Variants in DTHD1 observed in about 807,000 individuals in gnomAD.
DTHD1 encodes the protein death domain-containing protein 1.
DTHD1 carries 59 observed loss-of-function variants against 74.8 expected under a neutral mutation model. The ratio of observed to expected loss-of-function variants is 0.79; its 90% CI spans 0.64 to 0.98. The LOEUF (loss-of-function observed/expected upper bound fraction) is 0.98. DTHD1 is among the 50% of genes least tolerant of loss of function. DTHD1 has a pLI of 0.00. For missense variants in DTHD1, 1,051 were observed against 1,065.4 expected (o/e 0.99, Z 0.19); for synonymous variants, 365 against 371.1 (o/e 0.98, Z 0.19).
At chr4:36,301,833 C>A (rs535483489) in intron 5 of DTHD1, among the ~76,000 whole-genome samples, 7 of 151,372 alleles carry the variant, frequency 4.6e-5, no homozygotes, top group Admixed American at 1.3e-4. Flanking sequence ...ATTATTGAAA[C>A]GTTTCTGTTG....
chr4:36,338,492 C>A (rs1014373865), intron 8 of DTHD1, among the ~76,000 whole-genome samples: 2 of 151,762 alleles, frequency 1.3e-5, no homozygotes, highest in Middle Eastern at 3.4e-3. Flanking sequence ...TAAATAAATT[C>A]TCCAAAGTGC....
At chr4:36,312,322 T>C (rs2109509918) in intron 7 of DTHD1, among the ~76,000 whole-genome samples, 1 of 152,034 alleles carries the variant, frequency 6.6e-6, no homozygotes, top group East Asian at 1.9e-4. Flanking sequence ...AGATATTCTA[T>C]AGGATGTATC....
chr4:36,346,485 G>T lies in DTHD1; in HGVS notation c.*2661G>T, dbSNP rs141945715. Reference sequence around the variant, plus strand: ...CAGTAAAGCAATAAAAAGGTACATAGAGAAAACAATTGATCATCCCTGCAG... The same window carrying T: ...CAGTAAAGCAATAAAAAGGTACATATAGAAAACAATTGATCATCCCTGCAG... On this transcript the variant is annotated 3_prime_UTR_variant, in exon 10 of 10. Transcript: ENST00000639862. Among the ~76,000 whole-genome samples the T allele has an allele frequency of 2.1e-4, 32 of 152,004 alleles. No homozygotes were observed. In the East Asian group the frequency reaches 6.2e-3, roughly 29 times the overall value.
chr4:36,342,110 C>T (rs1343681302), intron 9 of DTHD1, among the ~76,000 whole-genome samples: 2 of 152,100 alleles, frequency 1.3e-5, no homozygotes, highest in African/African-American at 4.8e-5. Context: ...AATGATGATC[C>T]GCAGGGCTGC....
At position 36,290,442 on chromosome 4, in the gene DTHD1, T is replaced by C. The variant is rs1215949893; in HGVS notation, c.957T>C (p.Val319=). The C allele has an allele frequency of 1.3e-6, 2 of 1,551,872 alleles. No homozygotes were observed. The highest frequency in any genetic ancestry group is 2.7e-5 in the African/African-American group (2 of 73,048). Residue 319 remains valine (V), a synonymous_variant, in exon 3 of 10, where the codon GTT becomes GTC. Transcript: ENST00000639862. ...GTTATATTACAGCACCATCATATGTTCTACAACAACTAGAATGCCGGATAA... is the reference window on the plus strand; with the variant it reads ...GTTATATTACAGCACCATCATATGTCCTACAACAACTAGAATGCCGGATAA... ...VSCYITAPSY[V]LQQLECRIIN... is the part of the protein sequence containing the mutation.
chr4:36,286,623 T>G (rs1278063865), intron 2 of DTHD1, among the ~76,000 whole-genome samples: 1 of 152,244 alleles, frequency 6.6e-6, no homozygotes, highest in Non-Finnish European at 1.5e-5. Flanking sequence ...TGGGGACATG[T>G]TCACAGAAAT....
intron 8 of DTHD1, among the ~76,000 whole-genome samples, chr4:36,318,555 C>G (rs540189503): frequency 6.6e-6 from 1 of 151,992 alleles, no homozygotes; most frequent in Admixed American, 6.5e-5. Context: ...GACAGTATAG[C>G]CAGCCAATCT....
intron 7 of DTHD1, among the ~76,000 whole-genome samples, chr4:36,314,590 G>A (rs995829463): frequency 4.6e-5 from 7 of 151,954 alleles, no homozygotes; most frequent in Admixed American, 3.3e-4. Context: ...GCTGAGATGG[G>A]AGGACAGCTT....
intron 5 of DTHD1, among the ~76,000 whole-genome samples, chr4:36,301,846 T>C (rs1756792415): frequency 6.6e-6 from 1 of 151,920 alleles, no homozygotes; most frequent in African/African-American, 2.4e-5. Flanking sequence ...TTCTGTTGGG[T>C]TTAAGTGGAT....
chr4:36,306,277 G>T lies in DTHD1; in HGVS notation c.1730G>T (p.Trp577Leu). 1 of 1,551,748 alleles carries T rather than the reference G, an allele frequency of 6.4e-7. No individual in the cohort carries two copies. The highest frequency in any genetic ancestry group is 8.7e-7 in the Non-Finnish European group (1 of 1,146,998). ...LLGFRSQDSGWCGLDDVVKTI... is the reference protein window; with the variant it reads ...LLGFRSQDSGLCGLDDVVKTI... The stretch of plus-strand genomic sequence containing the variant: ...GGATTCAGAAGCCAAGACAGTGGTT[G>T]GTGTGGGCTTGATGATGTTGTGAAA... The change falls in exon 6 of 10, where the codon TGG becomes TTG. Residue 577 changes from tryptophan (W) to leucine (L), a missense_variant. Trp to Leu is a moderately conservative substitution (Grantham distance 61, BLOSUM62 -2). Transcript: ENST00000639862.
rs1303418802 is a variant in DTHD1 at position 36,284,310 on chromosome 4, G to A, written c.606G>A (p.Leu202=). The change falls in exon 2 of 10, where the codon CTG becomes CTA. Residue 202 remains leucine (L), a synonymous_variant. Transcript: ENST00000639862. The stretch of plus-strand genomic sequence containing the variant: ...ATACATCACTGAATGGACGTGTACT[G>A]GGGCAAGAAGAGTCACAGAATAAAA... The part of the protein sequence containing the change: ...ENNTSLNGRV[L]GQEESQNKMF... 3.9e-6 allele frequency: 6 copies of A among 1,537,018 alleles called. No homozygotes were observed. The East Asian group carries it at 9.8e-5, about 25-fold the overall frequency.
At position 36,293,638 on chromosome 4, in the gene DTHD1, T is replaced by C. The variant is rs372924892; in HGVS notation, c.1331T>C (p.Met444Thr). Residue 444 changes from methionine to threonine, a missense_variant, in exon 4 of 10, where the codon ATG becomes ACG. By Grantham distance (81) the Met-to-Thr change is moderately conservative (BLOSUM62 -1). Transcript: ENST00000639862. Reference protein sequence around the residue: ...TKKGLALKSSMDSRISLNYPP... With the variant: ...TKKGLALKSSTDSRISLNYPP... ...AAAGGCCTCGCTCTTAAGTCAAGCA[T>C]GGATTCCCGAATATCCTTAAATTAC... The C allele has an allele frequency of 6.5e-7, 1 of 1,548,118 alleles. No homozygotes were observed. Among genetic ancestry groups the C allele is most frequent in the African/African-American group, 1.4e-5 (1 of 72,974 alleles).
At position 36,294,794 on chromosome 4, in the gene DTHD1, G is replaced by A; in HGVS notation, c.1399-1G>A. 1 of 1,534,938 alleles carries A rather than the reference G, an allele frequency of 6.5e-7. No homozygotes were observed. On this transcript the variant is annotated splice_acceptor_variant, in intron 4 of 9. Coordinates refer to ENST00000639862, the MANE Select transcript of DTHD1 (RefSeq NM_001170700.3). LOFTEE classifies it high-confidence loss of function. ...TAAGAAAAAATATATTTTTTGTTTA[G>A]ATCCAACCAGTTGACCCAGCTCTGG...
intron 2 of DTHD1, among the ~76,000 whole-genome samples, chr4:36,286,622 G>A (rs1027637066): frequency 2.5e-4 from 38 of 152,228 alleles, no homozygotes; most frequent in African/African-American, 8.7e-4. Flanking sequence ...ATGGGGACAT[G>A]TTCACAGAAA....
At chr4:36,291,369 A>G (rs1260239191) in intron 3 of DTHD1, among the ~76,000 whole-genome samples, 1 of 152,224 alleles carries the variant, frequency 6.6e-6, no homozygotes, top group East Asian at 1.9e-4. Flanking sequence ...GTATGGTTGT[A>G]AGAATTAAAT....
chr4:36,303,092 T>A (rs1014535579), intron 5 of DTHD1, among the ~76,000 whole-genome samples: 1 of 152,202 alleles, frequency 6.6e-6, no homozygotes. Context: ...CAAGCAAAAT[T>A]GGTCATTTTA....
At chr4:36,283,163 C>T (rs1429305807) in intron 1 of DTHD1, among the ~76,000 whole-genome samples, 1 of 152,138 alleles carries the variant, frequency 6.6e-6, no homozygotes, top group Non-Finnish European at 1.5e-5. Flanking sequence ...TAGAGAGGTA[C>T]TAAGCCTGCA....
Position 36,321,061 on chromosome 4 carries a change from G to A in DTHD1, c.2340+4575G>A, listed in dbSNP as rs186254233. The stretch of plus-strand genomic sequence containing the variant: ...ACTTCATACTTGTGAGGATCTCTGC[G>A]TCTCTTATTCTTCAGCCTCTGTAGT... On this transcript the variant is annotated intron_variant, in intron 8 of 9. Transcript: ENST00000639862. Among the ~76,000 whole-genome samples, 15 of 152,252 alleles carry A rather than the reference G, an allele frequency of 9.9e-5. No homozygotes were observed. In the East Asian group the frequency reaches 2.3e-3, roughly 23 times the overall value.
intron 8 of DTHD1, among the ~76,000 whole-genome samples, chr4:36,324,760 A>G (rs1342648665): frequency 6.6e-6 from 1 of 152,252 alleles, no homozygotes; most frequent in Non-Finnish European, 1.5e-5. Flanking sequence ...AAAACAAAGC[A>G]AGAGATAAAT....
Sources: allele counts gnomAD v4.1 joint callset (sites outside exome capture counted in the v4.1 genomes callset), GRCh38; gene constraint gnomAD v4.1.1; transcripts MANE v1.5; gene names NCBI Gene and HGNC (gene_info 2026-07-23, HGNC 2026-07-21).